MTMR7: variants seen among roughly 807,000 people sequenced by gnomAD.
MTMR7 encodes the protein myotubularin related protein 7.
In MTMR7, 76 loss-of-function variants were observed where a neutral mutation model predicts 81.2. The observed-to-expected ratio is 0.94, with a 90% CI of 0.78 to 1.13. MTMR7 has a LOEUF of 1.13. Among genes scored for constraint, MTMR7 ranks in the 50% most tolerant of loss-of-function variants. The pLI is 0.00. For missense variants in MTMR7, 1,044 were observed against 820.0 expected, an observed-to-expected ratio of 1.27 and a Z score of -3.34; for synonymous variants, 372 against 289.8, an observed-to-expected ratio of 1.28 and a Z score of -2.88.
chr8:17,358,877 A>C (rs1481553024), intron 4 of MTMR7, among the ~76,000 whole-genome samples: 4 of 152,138 alleles, frequency 2.6e-5, no homozygotes, highest in South Asian at 4.1e-4. Context: ...GGCAAAAAAA[A>C]GTCTAAATAA....
At chr8:17,322,188 C>A (rs1051648103) in intron 7 of MTMR7, among the ~76,000 whole-genome samples, 1 of 152,170 alleles carries the variant, frequency 6.6e-6, no homozygotes, top group Admixed American at 6.5e-5. Flanking sequence ...ATCCATAAGA[C>A]AGTCTTCAGA....
In MTMR7 at chr8:17,353,477, A is replaced by G. The variant is rs531656630; in HGVS notation, c.469-4396T>C. On this transcript the variant is annotated intron_variant, in intron 4 of 13. Coordinates refer to ENST00000180173, the MANE Select transcript of MTMR7 (RefSeq NM_004686.5). ...CAATGAAAAAAGAAAAGGGAAAACAATCTTAGCATTGACTGCTGCCATTTT... is the reference window on the plus strand; with the variant it reads ...CAATGAAAAAAGAAAAGGGAAAACAGTCTTAGCATTGACTGCTGCCATTTT... Among the ~76,000 whole-genome samples the G allele has an allele frequency of 2.0e-5, 3 of 152,322 alleles. No individual in the cohort carries two copies. In the South Asian group the frequency reaches 6.2e-4, roughly 32 times the overall value.
At chr8:17,364,401 G>T (rs1236093088) in intron 3 of MTMR7, among the ~76,000 whole-genome samples, 3 of 152,154 alleles carry the variant, frequency 2.0e-5, no homozygotes, top group African/African-American at 7.2e-5. Flanking sequence ...CATATACATT[G>T]CCTCAAGTAT....
At chr8:17,358,405 C>G (rs535637662) in intron 4 of MTMR7, among the ~76,000 whole-genome samples, 2 of 152,214 alleles carry the variant, frequency 1.3e-5, no homozygotes, top group South Asian at 4.1e-4. Flanking sequence ...ATATATAATG[C>G]AAACATGTTA....
intron 1 of MTMR7, among the ~76,000 whole-genome samples, chr8:17,393,918 A>G (rs181788562): frequency 1.3e-5 from 2 of 152,372 alleles, no homozygotes; most frequent in Admixed American, 1.3e-4. Context: ...TCTCCAAAGA[A>G]GACATATGAA....
chr8:17,413,336 G>A lies in MTMR7; in HGVS notation c.-44C>T, dbSNP rs1821791755. The A allele has an allele frequency of 2.6e-6, 4 of 1,509,794 alleles. No homozygotes were observed. Among genetic ancestry groups the A allele is most frequent in the East Asian group, 2.8e-5 (1 of 35,140 alleles). The allele number at this position is 1,509,794 out of a possible 1,614,324, so 93.5% of individuals were successfully genotyped here. ...GGGTCCCGGGCGGGCGCGGCCTCAC[G>A]CACCTGCGCGCCTCTGCGGCGCGAT... On this transcript the variant is annotated 5_prime_UTR_variant, in exon 1 of 14. Transcript: ENST00000180173.
chr8:17,341,630 G>T, intron 5 of MTMR7, 133 bp from the exon 6 acceptor site: 1 of 1,111,836 alleles, frequency 9.0e-7, no homozygotes, highest in Non-Finnish European at 1.3e-6. Flanking sequence ...ACGTGATACA[G>T]CTTTCTGGAA....
At chr8:17,379,242 A>G (rs1047304092) in intron 1 of MTMR7, among the ~76,000 whole-genome samples, 1 of 152,166 alleles carries the variant, frequency 6.6e-6, no homozygotes, top group Non-Finnish European at 1.5e-5. Flanking sequence ...ATAACCCATG[A>G]AAGAGCAGCT....
intron 4 of MTMR7, among the ~76,000 whole-genome samples, chr8:17,351,086 T>C (rs1431080449): frequency 2.6e-5 from 4 of 152,342 alleles, no homozygotes; most frequent in African/African-American, 9.6e-5. Context: ...CCTGTTTGTT[T>C]GAGGTTCAAG....
At chr8:17,339,691 T>C (rs1385038345) in intron 6 of MTMR7, among the ~76,000 whole-genome samples, 1 of 152,272 alleles carries the variant, frequency 6.6e-6, no homozygotes, top group Non-Finnish European at 1.5e-5. Context: ...AGGCTATTAC[T>C]AATAATGAAC....
chr8:17,406,897 C>G (rs535107369), intron 1 of MTMR7, among the ~76,000 whole-genome samples: 1 of 151,910 alleles, frequency 6.6e-6, no homozygotes, highest in Non-Finnish European at 1.5e-5. Context: ...TTTAAAATGT[C>G]CAGAAAAACA....
intron 1 of MTMR7, among the ~76,000 whole-genome samples, chr8:17,400,673 A>G (rs1308807893): frequency 6.6e-6 from 1 of 152,184 alleles, no homozygotes; most frequent in Non-Finnish European, 1.5e-5. Context: ...TTCTTATCTA[A>G]TTGTCAGACT....
chr8:17,382,363 T>C (rs1233983132), intron 1 of MTMR7, among the ~76,000 whole-genome samples: 1 of 152,126 alleles, frequency 6.6e-6, no homozygotes, highest in Non-Finnish European at 1.5e-5. Flanking sequence ...CATCTCGAGC[T>C]CTTCTTCTTT....
rs1326200818 is a variant in MTMR7 at position 17,343,972 on chromosome 8, G to T, written c.598-2475C>A. ...AACTCTTCAGTTGTAAACCGGAAGG[G>T]ATAGCGCTCATTTACAATGCTACTA... On this transcript the variant is annotated intron_variant, in intron 5 of 13. Transcript: ENST00000180173. Among the ~76,000 whole-genome samples the T allele has an allele frequency of 2.0e-5, 3 of 152,310 alleles. No individual in the cohort carries two copies. The East Asian group carries it at 5.8e-4, about 29-fold the overall frequency.
intron 7 of MTMR7, among the ~76,000 whole-genome samples, chr8:17,325,365 T>C (rs1262287876): frequency 6.6e-6 from 1 of 152,178 alleles, no homozygotes; most frequent in Non-Finnish European, 1.5e-5. Flanking sequence ...CCATCAGGCC[T>C]CAAAACCTTT....
chr8:17,373,194 G>C lies in MTMR7; in HGVS notation c.71C>G (p.Ala24Gly). The C allele has an allele frequency of 6.2e-7, 1 of 1,613,548 alleles. No homozygotes were observed. The highest frequency in any genetic ancestry group is 8.5e-7 in the Non-Finnish European group (1 of 1,179,742). Residue 24 changes from alanine (A) to glycine (G), a missense_variant, in exon 2 of 14, where the codon GCT (alanine) becomes GGT (glycine). Coordinates refer to ENST00000180173, the MANE Select transcript of MTMR7 (RefSeq NM_004686.5). ...AGCCGTCAAATACAAAGTACCTAGA[G>C]CTGCTTTTTTAGGAGACACTCGATC... ...LVDRVSPKKA[A>G]LGTLYLTATH...
intron 1 of MTMR7, among the ~76,000 whole-genome samples, chr8:17,394,552 G>A (rs1408537814): frequency 1.3e-5 from 2 of 152,072 alleles, no homozygotes; most frequent in Admixed American, 6.5e-5. Flanking sequence ...AGGGATGACT[G>A]CTAGTAAATA....
chr8:17,349,206 G>A, intron 4 of MTMR7, 125 bp from the exon 5 acceptor site: 2 of 1,189,678 alleles, frequency 1.7e-6, no homozygotes, highest in Non-Finnish European at 1.2e-6. Context: ...TGTTACAGAG[G>A]AGGCTATTTC....
chr8:17,348,488 T>G (rs927918241), intron 5 of MTMR7, among the ~76,000 whole-genome samples: 5 of 148,486 alleles, frequency 3.4e-5, no homozygotes, highest in African/African-American at 1.3e-4. Context: ...AGGCAGAGGT[T>G]GCAGTGAGCC....
Sources: gnomAD v4.1 joint callset for allele counts (sites outside exome capture counted in the v4.1 genomes callset) on GRCh38, gnomAD v4.1.1 for gene constraint, MANE v1.5 for transcripts, NCBI Gene and HGNC (gene_info 2026-07-23, HGNC 2026-07-21) for gene names.